SLA2: variants seen among roughly 807,000 people sequenced by gnomAD.
The protein encoded by SLA2 is Src like adaptor 2.
SLA2 carries 22 observed loss-of-function variants against 27.3 expected under a neutral mutation model. That is an observed-to-expected ratio of 0.81 (90% confidence interval 0.58 to 1.15). The LOEUF (loss-of-function observed/expected upper bound fraction) is 1.15, where lower values mean the gene tolerates loss of function less well. SLA2 is among the 50% of genes most tolerant of loss of function. The pLI is 0.00. For missense variants in SLA2, 304 were observed against 322.2 expected, an observed-to-expected ratio of 0.94 and a Z score of 0.43; for synonymous variants, 131 against 137.8, an observed-to-expected ratio of 0.95 and a Z score of 0.34.
In SLA2 at chr20:36,632,634, C is replaced by T; in HGVS notation, c.343G>A (p.Gly115Arg). Residue 115 changes from glycine to arginine, a missense_variant, in exon 5 of 8, where the codon GGA becomes AGA. Physicochemically the swap from Gly to Arg is moderately radical, Grantham distance 125. Coordinates refer to ENST00000262866, the MANE Select transcript of SLA2 (RefSeq NM_032214.4). Reference protein sequence around the residue: ...EELLLLPGNPGGAFLIRESQT... With the variant: ...EELLLLPGNPRGAFLIRESQT... ...CTCTCCCGGATGAGGAAGGCCCCTC[C>T]AGGGTTCCCAGGTAACAACAGCAGT... 2 of 1,614,222 alleles carry T rather than the reference C, an allele frequency of 1.2e-6. No individual in the cohort carries two copies. Among genetic ancestry groups the T allele is most frequent in the Non-Finnish European group, 1.7e-6 (2 of 1,180,026 alleles).
At chr20:36,640,583 C>A (rs1274711639) in intron 2 of SLA2, among the ~76,000 whole-genome samples, 1 of 147,432 alleles carries the variant, frequency 6.8e-6, no homozygotes, top group Non-Finnish European at 1.5e-5. Flanking sequence ...GTGGCATGAT[C>A]TCGGCTCACT....
At chr20:36,614,032 C>T (rs758279665) in intron 7 of SLA2, 46 bp from the exon 8 acceptor site, 1 of 1,607,768 alleles carries the variant, frequency 6.2e-7, no homozygotes, top group Non-Finnish European at 8.5e-7. Flanking sequence ...TCTTCCTCCT[C>T]CCTGTACTCA....
chr20:36,615,268 G>T lies in SLA2; in HGVS notation c.489C>A (p.Arg163=). The change falls in exon 6 of 8, where the codon CGC becomes CGA. Residue 163 remains arginine, a synonymous_variant. Transcript: ENST00000262866. ...GGGCCTGGAGTGAGGGGAAGGTGAG[G>T]CGCGGTGAGATGTACAGCCAGCCAT... ...LDNGWLYISP[R]LTFPSLQALV... is the part of the protein sequence containing the mutation. 6.2e-7 allele frequency: 1 copy of T among 1,614,150 alleles called. No homozygotes were observed.
chr20:36,624,778 C>T (rs2039319968), intron 5 of SLA2, among the ~76,000 whole-genome samples: 1 of 152,242 alleles, frequency 6.6e-6, no homozygotes, highest in East Asian at 1.9e-4. Flanking sequence ...CTACCCTTCC[C>T]TGAGGACAGA....
chr20:36,623,486 G>A (rs2039306451), intron 5 of SLA2, among the ~76,000 whole-genome samples: 1 of 151,994 alleles, frequency 6.6e-6, no homozygotes, highest in African/African-American at 2.4e-5. Context: ...ACAATCATAT[G>A]TAGATAATCA....
At chr20:36,616,625 G>A (rs894138119) in intron 5 of SLA2, among the ~76,000 whole-genome samples, 2 of 151,634 alleles carry the variant, frequency 1.3e-5, no homozygotes, top group Admixed American at 6.6e-5. Context: ...GAGCCACCGC[G>A]CCCAGCCAGA....
chr20:36,642,261 C>T lies in SLA2; in HGVS notation c.-43-883G>A, dbSNP rs2039514748. ...CTTTAGGGGACTGACTGTTGAGCCA[C>T]TTCCCCTCTCTGTGCCTCCTTTTCC... is the stretch of plus-strand genomic sequence containing the variant. On this transcript the variant is annotated intron_variant, in intron 1 of 7. Coordinates refer to ENST00000262866, the MANE Select transcript of SLA2 (RefSeq NM_032214.4). Among the ~76,000 whole-genome samples the T allele has an allele frequency of 1.3e-4, 8 of 60,978 alleles. No homozygotes were observed. In the South Asian group the frequency reaches 4.9e-3, roughly 37 times the overall value. 40.0% of individuals were successfully genotyped at this position (60,978 alleles called of 152,430 possible).
chr20:36,632,738 C>T, intron 4 of SLA2, 40 bp from the exon 5 acceptor site: 1 of 1,567,100 alleles, frequency 6.4e-7, no homozygotes, highest in African/African-American at 1.4e-5. Flanking sequence ...CAGGGTCAGC[C>T]TGGAGGAAGA....
chr20:36,628,075 A>G (rs184866867), intron 5 of SLA2, among the ~76,000 whole-genome samples: 3 of 152,316 alleles, frequency 2.0e-5, no homozygotes, highest in Non-Finnish European at 4.4e-5. Flanking sequence ...CAAGAGAACA[A>G]TAGAACCATC....
intron 6 of SLA2, 159 bp downstream of exon 6, chr20:36,615,066 G>A: frequency 1.0e-6 from 1 of 985,412 alleles, no homozygotes; most frequent in Non-Finnish European, 1.2e-6. Flanking sequence ...AGGGCTCCCA[G>A]CCTGCATTTC....
At position 36,634,528 on chromosome 20, in the gene SLA2, C is replaced by T. The variant is rs1188736830; in HGVS notation, c.153G>A (p.Leu51=). ...GSFPAGGPAE[L]SLRLGEPLTI... is the part of the protein sequence containing the mutation. ...TCAATGGCTCCCCGAGTCTCAGCGA[C>T]AGCTCGGCCGGGCCACCTGCCGGGA... Residue 51 remains leucine, a synonymous_variant, in exon 3 of 8, where the codon CTG becomes CTA. Transcript: ENST00000262866. 3.7e-6 allele frequency: 6 copies of T among 1,611,546 alleles called. No homozygotes were observed. The African/African-American group carries it at 6.7e-5, about 18-fold the overall frequency.
intron 2 of SLA2, among the ~76,000 whole-genome samples, chr20:36,637,212 T>TC: frequency 7.0e-6 from 1 of 143,690 alleles, no homozygotes; most frequent in South Asian, 2.3e-4. Context: ...TTTTTTTTTT[T>TC]TTTTTTTGGA....
At chr20:36,634,689 T>A in intron 2 of SLA2, 100 bp from the exon 3 acceptor site, 1 of 653,590 alleles carries the variant, frequency 1.5e-6, no homozygotes, top group East Asian at 3.2e-5. Flanking sequence ...GCATCAGCCC[T>A]CCACAAGCAC....
At chr20:36,643,750 G>C (rs59623297) in intron 1 of SLA2, among the ~76,000 whole-genome samples, 1 of 152,284 alleles carries the variant, frequency 6.6e-6, no homozygotes, top group East Asian at 1.9e-4. Context: ...TCAGGAGTTT[G>C]AGACCAGCCT....
chr20:36,645,897 G>A lies in SLA2; in HGVS notation c.-104C>T, dbSNP rs886187783. 8.5e-5 allele frequency: 13 copies of A among 152,346 alleles called. No individual in the cohort carries two copies. The highest frequency in any genetic ancestry group is 3.1e-4 in the African/African-American group (13 of 41,474). 9.4% of individuals were successfully genotyped at this position (152,346 alleles called of 1,614,324 possible). On this transcript the variant is annotated 5_prime_UTR_variant, in exon 1 of 8. Transcript: ENST00000262866. ...CTGAGACGCATGCTCTGGCTGGACA[G>A]GTTAGGGCTTTGGGGGCCCTTCTGG...
At chr20:36,636,213 C>A (rs1166519743) in intron 2 of SLA2, among the ~76,000 whole-genome samples, 6 of 145,636 alleles carry the variant, frequency 4.1e-5, no homozygotes, top group Admixed American at 1.3e-4. Context: ...GTCAGGAGAT[C>A]GAGACCATCC....
chr20:36,621,269 A>G, intron 5 of SLA2: 1 of 589,322 alleles, frequency 1.7e-6, no homozygotes, highest in Non-Finnish European at 3.3e-6. Context: ...GGTGATGGGA[A>G]CTATAATGAT....
chr20:36,616,110 C>T (rs1014559290), intron 5 of SLA2, among the ~76,000 whole-genome samples: 2 of 152,092 alleles, frequency 1.3e-5, no homozygotes, highest in African/African-American at 4.8e-5. Context: ...CAGGCACACA[C>T]GGCAAAGCTC....
intron 5 of SLA2, among the ~76,000 whole-genome samples, chr20:36,624,830 G>T: frequency 6.6e-6 from 1 of 152,248 alleles, no homozygotes; most frequent in East Asian, 1.9e-4. Flanking sequence ...ACGGAGTGCT[G>T]TGGGGCACAC....
Sources: gnomAD v4.1 joint callset for allele counts (sites outside exome capture counted in the v4.1 genomes callset) on GRCh38, gnomAD v4.1.1 for gene constraint, MANE v1.5 for transcripts, NCBI Gene and HGNC (gene_info 2026-07-23, HGNC 2026-07-21) for gene names.